Variants in CAST observed in about 807,000 individuals in gnomAD.
CAST encodes the protein MIR583 host.
A neutral mutation model predicts 119.6 loss-of-function variants in CAST; 76 were observed. That is an observed-to-expected ratio of 0.64 (90% CI 0.53 to 0.77). The LOEUF is 0.77. CAST is among the 30% of genes least tolerant of loss of function. The pLI, the probability that CAST is intolerant of heterozygous loss-of-function variation, is 0.00. For synonymous variants in CAST, 319 were observed against 331.6 expected, an observed-to-expected ratio of 0.96 and a Z score of 0.41; for missense variants, 953 against 946.5, an observed-to-expected ratio of 1.01 and a Z score of -0.09.
chr5:95,968,342 G>T, the CAST span, among the ~76,000 whole-genome samples: 3 of 152,116 alleles, frequency 2.0e-5, no homozygotes, highest in Non-Finnish European at 2.9e-5. Context: ...CTATTTTTAT[G>T]TGTGGTATAT....
the CAST span, among the ~76,000 whole-genome samples, chr5:96,374,236 C>T: frequency 3.3e-4 from 50 of 152,220 alleles, no homozygotes; most frequent in African/African-American, 1.0e-3. Flanking sequence ...GGATTCAAAA[C>T]GTCCTCCCTC....
At chr5:95,983,907 A>G in the CAST span, among the ~76,000 whole-genome samples, 2 of 152,214 alleles carry the variant, frequency 1.3e-5, no homozygotes, top group Non-Finnish European at 2.9e-5. Flanking sequence ...ATATTTCAGC[A>G]GATTTTGTCT....
intron 1 of CAST, among the ~76,000 whole-genome samples, chr5:96,614,877 G>A (rs544781447): frequency 2.0e-4 from 30 of 151,914 alleles, no homozygotes; most frequent in African/African-American, 7.0e-4. Flanking sequence ...ATATTCTCTT[G>A]CCTTTTAGTT....
At chr5:96,697,292 CT>C (rs200525964) in intron 3 of CAST, among the ~76,000 whole-genome samples, 2,639 of 149,918 alleles carry the variant, frequency 0.018, 91 homozygotes, top group African/African-American at 0.061. Context: ...TTAACGTAAG[CT>C]TTTTTTTTTC....
chr5:96,472,405 C>T, the CAST span, among the ~76,000 whole-genome samples: 3 of 152,166 alleles, frequency 2.0e-5, no homozygotes, highest in Non-Finnish European at 4.4e-5. Context: ...GATTGGTTAA[C>T]TGATTTTGCT....
the CAST span, among the ~76,000 whole-genome samples, chr5:96,480,487 T>G: frequency 6.6e-6 from 1 of 152,186 alleles, no homozygotes; most frequent in African/African-American, 2.4e-5. Context: ...ATTGTCTCAA[T>G]GGGTCTGCTC....
At chr5:96,703,095 A>G (rs1021508847) in intron 3 of CAST, among the ~76,000 whole-genome samples, 3 of 152,052 alleles carry the variant, frequency 2.0e-5, no homozygotes, top group African/African-American at 4.8e-5. Context: ...TCTGAGTTTA[A>G]CTGTGTTTCT....
intron 1 of CAST, chr5:96,545,334 C>T (rs1745990088): frequency 1.3e-5 from 2 of 152,162 alleles, no homozygotes; most frequent in African/African-American, 4.8e-5. Flanking sequence ...GGTATGTTAG[C>T]CCTATGGACA....
chr5:96,138,232 T>C, the CAST span, among the ~76,000 whole-genome samples: 5 of 152,180 alleles, frequency 3.3e-5, no homozygotes, highest in South Asian at 8.3e-4. Flanking sequence ...TTCAGCACCA[T>C]TTATTGAAAA....
the CAST span, among the ~76,000 whole-genome samples, chr5:96,378,011 A>G: frequency 3.9e-5 from 6 of 152,178 alleles, no homozygotes; most frequent in Non-Finnish European, 5.9e-5. Context: ...ATCTGTGACC[A>G]TATGGACGAA....
At chr5:96,144,285 G>T in the CAST span, among the ~76,000 whole-genome samples, 1 of 152,146 alleles carries the variant, frequency 6.6e-6, no homozygotes, top group African/African-American at 2.4e-5. Context: ...AATACCAGAT[G>T]ACCCATCTTG....
chr5:96,658,521 A>G (rs1014614738), upstream of CAST, among the ~76,000 whole-genome samples: 1 of 152,186 alleles, frequency 6.6e-6, no homozygotes, highest in Non-Finnish European at 1.5e-5. Context: ...AAACAGATCT[A>G]TAACATTCAT....
chr5:96,560,794 C>G (rs928682094), intron 1 of CAST, among the ~76,000 whole-genome samples: 4 of 152,084 alleles, frequency 2.6e-5, no homozygotes. Flanking sequence ...GTCAGTGTGG[C>G]GATTCCTCAG....
the CAST span, among the ~76,000 whole-genome samples, chr5:96,077,718 C>A: frequency 1.3e-5 from 2 of 152,190 alleles, no homozygotes; most frequent in African/African-American, 4.8e-5. Flanking sequence ...ACTGCACACA[C>A]TGGCTCCCCT....
At chr5:96,200,279 C>T in the CAST span, among the ~76,000 whole-genome samples, 1 of 152,008 alleles carries the variant, frequency 6.6e-6, no homozygotes, top group African/African-American at 2.4e-5. Flanking sequence ...CAGGGGAATC[C>T]AGAAGGAAGA....
At chr5:96,073,412 A>G in the CAST span, among the ~76,000 whole-genome samples, 1 of 152,222 alleles carries the variant, frequency 6.6e-6, no homozygotes, top group African/African-American at 2.4e-5. Flanking sequence ...CAAATAGAAA[A>G]TAATCAGAAA....
intron 3 of CAST, among the ~76,000 whole-genome samples, chr5:96,702,522 C>T (rs2150319519): frequency 6.6e-6 from 1 of 152,318 alleles, no homozygotes; most frequent in East Asian, 1.9e-4. Context: ...AGCATATTTG[C>T]GAAGTGCACC....
At chr5:96,448,356 C>G in the CAST span, among the ~76,000 whole-genome samples, 2 of 152,338 alleles carry the variant, frequency 1.3e-5, no homozygotes, top group Admixed American at 6.5e-5. Context: ...ATGTTTTGCT[C>G]TGGCATTTGA....
At chr5:96,309,109 T>C in the CAST span, among the ~76,000 whole-genome samples, 1 of 152,174 alleles carries the variant, frequency 6.6e-6, no homozygotes, top group Non-Finnish European at 1.5e-5. Context: ...CTTTTATCTA[T>C]AAGTCCCTGA....
Sources: gnomAD v4.1 joint callset for allele counts (sites outside exome capture counted in the v4.1 genomes callset) on GRCh38, gnomAD v4.1.1 for gene constraint, MANE v1.5 for transcripts, NCBI Gene and HGNC (gene_info 2026-07-23, HGNC 2026-07-21) for gene names.